Variants in STXBP5L observed in about 807,000 individuals in gnomAD.
STXBP5L encodes the protein syntaxin binding protein 5L, also known as syntaxin-binding protein 5-like.
In STXBP5L, 65 loss-of-function variants were observed where a neutral mutation model predicts 144.5. That is an observed-to-expected ratio of 0.45 (90% CI 0.37 to 0.55). The LOEUF (loss-of-function observed/expected upper bound fraction) is 0.55. Ranked by LOEUF, STXBP5L falls within the 20% of genes least tolerant of loss-of-function variation. STXBP5L has a pLI of 0.00. For synonymous variants in STXBP5L, 505 were observed against 469.6 expected (o/e 1.08, Z -0.97); for missense variants, 1,298 against 1,405.5 (o/e 0.92, Z 1.22).
At chr3:120,923,682 C>A (rs1709467056) in intron 2 of STXBP5L, among the ~76,000 whole-genome samples, 1 of 151,732 alleles carries the variant, frequency 6.6e-6, no homozygotes, top group South Asian at 2.1e-4. Context: ...AGTTTTATTC[C>A]ATTGTGATCA....
chr3:121,019,739 G>A (rs1945409970), intron 3 of STXBP5L, among the ~76,000 whole-genome samples: 1 of 152,168 alleles, frequency 6.6e-6, no homozygotes, highest in African/African-American at 2.4e-5. Flanking sequence ...ACCACATTAA[G>A]GGATCACTCC....
chr3:121,018,716 G>T (rs1448315751), intron 3 of STXBP5L, among the ~76,000 whole-genome samples: 1 of 152,128 alleles, frequency 6.6e-6, no homozygotes, highest in Non-Finnish European at 1.5e-5. Context: ...TCGGTAACTT[G>T]GATTTTATTA....
chr3:121,115,805 A>G (rs930813435), intron 6 of STXBP5L, among the ~76,000 whole-genome samples: 1 of 152,160 alleles, frequency 6.6e-6, no homozygotes, highest in Non-Finnish European at 1.5e-5. Flanking sequence ...AGGAGCAGGC[A>G]TGTCATATAA....
intron 19 of STXBP5L, among the ~76,000 whole-genome samples, chr3:121,303,804 C>T (rs1216348624): frequency 6.6e-6 from 1 of 151,948 alleles, no homozygotes; most frequent in African/African-American, 2.4e-5. Context: ...TACATATTCT[C>T]ACTCATAGGT....
At chr3:121,044,581 T>C (rs1947379995) in intron 4 of STXBP5L, among the ~76,000 whole-genome samples, 1 of 152,196 alleles carries the variant, frequency 6.6e-6, no homozygotes, top group Non-Finnish European at 1.5e-5. Context: ...ACACATTTAA[T>C]GCTCTGGATT....
intron 20 of STXBP5L, among the ~76,000 whole-genome samples, chr3:121,359,263 AG>A (rs1198794236): frequency 6.6e-6 from 1 of 152,116 alleles, no homozygotes; most frequent in Non-Finnish European, 1.5e-5. Flanking sequence ...GTTTTAGAAA[AG>A]TCTATTCAAA....
chr3:121,258,495 G>A (rs570461584), intron 17 of STXBP5L, among the ~76,000 whole-genome samples: 36 of 152,184 alleles, frequency 2.4e-4, no homozygotes, highest in Middle Eastern at 3.4e-3. Flanking sequence ...ATTACTGGGA[G>A]GAAAATCTAC....
At chr3:121,035,935 A>T (rs1946718274) in intron 3 of STXBP5L, among the ~76,000 whole-genome samples, 1 of 152,126 alleles carries the variant, frequency 6.6e-6, no homozygotes, top group Admixed American at 6.6e-5. Flanking sequence ...AGGTCTTAAA[A>T]CATCTTTTGT....
At chr3:121,126,913 T>C (rs2044728952) in intron 7 of STXBP5L, among the ~76,000 whole-genome samples, 1 of 152,206 alleles carries the variant, frequency 6.6e-6, no homozygotes, top group African/African-American at 2.4e-5. Context: ...AACAGCATAG[T>C]ATCTCTCTGA....
chr3:121,093,269 G>C (rs1209850783), intron 5 of STXBP5L, among the ~76,000 whole-genome samples: 2 of 152,146 alleles, frequency 1.3e-5, no homozygotes, highest in East Asian at 1.9e-4. Context: ...TTTGGTATCA[G>C]GATGATGCTG....
At chr3:121,167,996 T>TGGTC (rs2046563732) in intron 9 of STXBP5L, among the ~76,000 whole-genome samples, 1 of 152,036 alleles carries the variant, frequency 6.6e-6, no homozygotes, top group Non-Finnish European at 1.5e-5. Context: ...CAGGCAGCAA[T>TGGTC]CTTCGCTGTT....
chr3:120,966,239 C>T (rs756031748), intron 3 of STXBP5L, among the ~76,000 whole-genome samples: 12 of 152,176 alleles, frequency 7.9e-5, no homozygotes, highest in Non-Finnish European at 1.2e-4. Context: ...TCCTTTAGCT[C>T]GGAGAAGTTT....
At chr3:121,037,796 G>T (rs1409762168) in intron 3 of STXBP5L, among the ~76,000 whole-genome samples, 1 of 151,908 alleles carries the variant, frequency 6.6e-6, no homozygotes, top group Non-Finnish European at 1.5e-5. Context: ...TCTTGACCTG[G>T]AGTTTTCTTT....
At chr3:121,398,838 A>T (rs138000236) in intron 22 of STXBP5L, among the ~76,000 whole-genome samples, 1,665 of 152,218 alleles carry the variant, frequency 0.011, 16 homozygotes, top group Non-Finnish European at 0.018. Context: ...TTCCCTGCTG[A>T]TCTGGGGGCT....
chr3:121,049,838 A>T (rs566662586), intron 5 of STXBP5L: 6 of 152,876 alleles, frequency 3.9e-5, no homozygotes, highest in Non-Finnish European at 8.8e-5. Flanking sequence ...CACTCCTGGG[A>T]GTCTGTGAGT....
chr3:121,416,303 A>G (rs1036999473), intron 25 of STXBP5L, among the ~76,000 whole-genome samples: 7 of 151,650 alleles, frequency 4.6e-5, no homozygotes, highest in Non-Finnish European at 1.0e-4. Context: ...GTCTGGAAAA[A>G]AGATTTTTGA....
At chr3:120,974,317 T>A (rs1338841266) in intron 3 of STXBP5L, among the ~76,000 whole-genome samples, 2 of 152,166 alleles carry the variant, frequency 1.3e-5, no homozygotes, top group African/African-American at 4.8e-5. Flanking sequence ...TTTTCATGTG[T>A]CTTTTGGCTG....
intron 2 of STXBP5L, among the ~76,000 whole-genome samples, chr3:120,938,696 G>A (rs886138847): frequency 2.0e-5 from 3 of 152,152 alleles, no homozygotes; most frequent in African/African-American, 4.8e-5. Context: ...CTACTGAAAT[G>A]CTATATAGCT....
intron 22 of STXBP5L, among the ~76,000 whole-genome samples, chr3:121,395,819 C>T (rs1343938456): frequency 1.3e-5 from 2 of 152,198 alleles, no homozygotes; most frequent in Non-Finnish European, 2.9e-5. Context: ...GCTTCTTGAT[C>T]TGTCCCCAGG....
Sources: allele counts gnomAD v4.1 joint callset (sites outside exome capture counted in the v4.1 genomes callset), GRCh38; gene constraint gnomAD v4.1.1; transcripts MANE v1.5; gene names NCBI Gene and HGNC (gene_info 2026-07-23, HGNC 2026-07-21).